Variants in ZNF726 observed in about 807,000 individuals in gnomAD.
ZNF726 encodes the protein zinc finger protein 726.
In ZNF726, 15 loss-of-function variants were observed where a neutral mutation model predicts 11.6. The ratio of observed to expected loss-of-function variants is 1.29; its 90% CI spans 0.86 to 1.99. The LOEUF (loss-of-function observed/expected upper bound fraction) is 1.99. Among genes scored for constraint, ZNF726 ranks in the 30% most tolerant of loss-of-function variants. The probability of loss-of-function intolerance (pLI) is 0.00; values close to 1 mark genes in which losing one functional copy is unlikely to be tolerated. For synonymous variants in ZNF726, 295 were observed against 243.6 expected, an observed-to-expected ratio of 1.21 and a Z score of -1.96; for missense variants, 890 against 725.6, an observed-to-expected ratio of 1.23 and a Z score of -2.60.
chr19:23,916,886 C>G (rs1325771365), intron 1 of ZNF726, among the ~76,000 whole-genome samples: 1 of 151,948 alleles, frequency 6.6e-6, no homozygotes, highest in Non-Finnish European at 1.5e-5. Context: ...AATGGCCTGA[C>G]TTGACACATG....
At position 23,933,359 on chromosome 19, in the gene ZNF726, CATAAG is replaced by C. The variant is rs1443338103; in HGVS notation, c.1248_1252del (p.Lys416AsnfsTer11). ...TCATCGATCCTCAAATCTTACTAAACATAAGATAATTCATACTGGAGAGAAACCTT... is the reference window on the plus strand; with the variant it reads ...TCATCGATCCTCAAATCTTACTAAACATAATTCATACTGGAGAGAAACCTT... On this transcript the variant is annotated frameshift_variant, in exon 4 of 4. Coordinates refer to ENST00000594466, the MANE Select transcript of ZNF726 (RefSeq NM_001244038.2). LOFTEE classifies it low-confidence loss of function (END_TRUNC). 4.3e-6 allele frequency: 7 copies of C among 1,612,822 alleles called. No individual in the cohort carries two copies. The highest frequency in any genetic ancestry group is 1.3e-5 in the African/African-American group (1 of 74,868).
intron 2 of ZNF726, 162 bp downstream of exon 2, chr19:23,919,661 C>T: frequency 1.1e-6 from 1 of 890,398 alleles, no homozygotes; most frequent in Non-Finnish European, 1.6e-6. Context: ...TTCATCCTGA[C>T]CTGAAATTTC....
intron 3 of ZNF726, among the ~76,000 whole-genome samples, chr19:23,924,106 C>T (rs543142138): frequency 1.3e-5 from 2 of 151,214 alleles, no homozygotes; most frequent in African/African-American, 4.9e-5. Context: ...GTGTAATGCA[C>T]GATCTTGACT....
intron 1 of ZNF726, among the ~76,000 whole-genome samples, chr19:23,918,337 T>A (rs908817260): frequency 6.6e-6 from 1 of 152,208 alleles, no homozygotes; most frequent in Non-Finnish European, 1.5e-5. Flanking sequence ...AAGAAAAGGC[T>A]CATTTAAACA....
chr19:23,939,154 T>A (rs1968297297), downstream of ZNF726, among the ~76,000 whole-genome samples: 1 of 150,206 alleles, frequency 6.7e-6, no homozygotes, highest in Admixed American at 6.6e-5. Flanking sequence ...CCAAAGTCTA[T>A]TTTATCATTC....
downstream of ZNF726, among the ~76,000 whole-genome samples, chr19:23,938,582 T>C (rs1440256926): frequency 6.6e-6 from 1 of 151,772 alleles, no homozygotes; most frequent in African/African-American, 2.4e-5. Context: ...TGTTTGTTCG[T>C]TTAATAGTTT....
At chr19:23,939,298 A>C (rs993672737), downstream of ZNF726, among the ~76,000 whole-genome samples, 7 of 152,072 alleles carry the variant, frequency 4.6e-5, no homozygotes, top group Admixed American at 1.3e-4. Flanking sequence ...AATGCTGTTA[A>C]TTTCTTTTTG....
downstream of ZNF726, among the ~76,000 whole-genome samples, chr19:23,937,101 C>T (rs1272646374): frequency 6.7e-6 from 1 of 150,254 alleles, no homozygotes; most frequent in Non-Finnish European, 1.5e-5. Flanking sequence ...CCCCCCCCAC[C>T]TCCCTCCCGG....
chr19:23,931,035 A>G (rs1026888227), intron 3 of ZNF726, among the ~76,000 whole-genome samples: 9 of 152,090 alleles, frequency 5.9e-5, no homozygotes, highest in Non-Finnish European at 1.3e-4. Context: ...CAGTGGCGTG[A>G]TCTCAGCTCA....
chr19:23,928,701 G>T (rs1253939542), intron 3 of ZNF726: 5 of 152,116 alleles, frequency 3.3e-5, no homozygotes, highest in Non-Finnish European at 7.4e-5. Context: ...ATTTGACTCA[G>T]TGCTAAAATG....
chr19:23,940,347 A>G (rs1390463338), intron 3 of ZNF726, among the ~76,000 whole-genome samples: 1 of 151,256 alleles, frequency 6.6e-6, no homozygotes, highest in Non-Finnish European at 1.5e-5. Context: ...TTCTGGGTTC[A>G]CTCTTCTTTT....
chr19:23,933,151 A>G lies in ZNF726; in HGVS notation c.1035A>G (p.Glu345=), dbSNP rs1053714761. The G allele has an allele frequency of 1.9e-6, 3 of 1,600,598 alleles. No homozygotes were observed. Among genetic ancestry groups the G allele is most frequent in the African/African-American group, 1.4e-5 (1 of 73,110 alleles). ...GAGAGAAACCCTACAAATGTGAAGA[A>G]TGTGCCAAAGCTTTTAGCCAATTCG... The part of the protein sequence containing the change: ...HSGEKPYKCE[E]CAKAFSQFGH... Residue 345 remains glutamate (E), a synonymous_variant, in exon 4 of 4, where the codon GAA becomes GAG. Transcript: ENST00000594466.
intron 3 of ZNF726, 47 bp from the exon 4 acceptor site, chr19:23,932,292 ATATT>A (rs1968122817): frequency 1.1e-5 from 13 of 1,221,258 alleles, no homozygotes; most frequent in Non-Finnish European, 1.3e-5. Flanking sequence ...TTTTTAAACT[ATATT>A]TATGTCAGTA....
At chr19:23,938,815 C>T (rs937711373), downstream of ZNF726, among the ~76,000 whole-genome samples, 1 of 151,982 alleles carries the variant, frequency 6.6e-6, no homozygotes, top group East Asian at 1.9e-4. Flanking sequence ...CTATGTTGGT[C>T]AGGCTGGTCT....
At chr19:23,929,255 G>C (rs988645379) in intron 3 of ZNF726, 1 of 151,760 alleles carries the variant, frequency 6.6e-6, no homozygotes, top group Non-Finnish European at 1.5e-5. Flanking sequence ...ATCTTGTTTT[G>C]CATAGTTTCT....
At chr19:23,916,664 A>G (rs1361568280) in intron 1 of ZNF726, among the ~76,000 whole-genome samples, 1 of 152,198 alleles carries the variant, frequency 6.6e-6, no homozygotes, top group African/African-American at 2.4e-5. Context: ...ATTTGATGGC[A>G]CATTTACAAT....
intron 3 of ZNF726, chr19:23,927,677 G>A (rs1260794166): frequency 1.3e-5 from 2 of 151,780 alleles, no homozygotes; most frequent in Non-Finnish European, 2.9e-5. Flanking sequence ...TTATTTGTAG[G>A]GATAGAGTTG....
downstream of ZNF726, among the ~76,000 whole-genome samples, chr19:23,937,042 A>G (rs1968245980): frequency 6.7e-6 from 1 of 148,368 alleles, no homozygotes; most frequent in South Asian, 2.1e-4. Context: ...GGCTGGGCAG[A>G]GGCGCCCCTC....
intron 3 of ZNF726, among the ~76,000 whole-genome samples, chr19:23,941,883 T>G (rs183789072): frequency 6.6e-6 from 1 of 152,338 alleles, no homozygotes; most frequent in African/African-American, 2.4e-5. Context: ...TTAATCTTGC[T>G]AATGGCCTAT....
Sources: allele counts gnomAD v4.1 joint callset (sites outside exome capture counted in the v4.1 genomes callset), GRCh38; gene constraint gnomAD v4.1.1; transcripts MANE v1.5; gene names NCBI Gene and HGNC (gene_info 2026-07-23, HGNC 2026-07-21).